The following TAFA2 variants were observed in gnomAD, a reference collection of about 807,000 sequenced individuals.
TAFA2 encodes chemokine-like protein TAFA-2.
TAFA2 carries 7 observed loss-of-function variants against 18.8 expected under a neutral mutation model. The ratio of observed to expected loss-of-function variants is 0.37; its 90% CI spans 0.21 to 0.70. The LOEUF (loss-of-function observed/expected upper bound fraction) is 0.70, where lower values mean the gene tolerates loss of function less well. TAFA2 is among the 30% of genes least tolerant of loss of function. The pLI is 0.53. For synonymous variants in TAFA2, 60 were observed against 54.2 expected (o/e 1.11, Z -0.47); for missense variants, 122 against 158.1 (o/e 0.77, Z 1.23).
intron 4 of TAFA2, among the ~76,000 whole-genome samples, chr12:61,734,650 C>T (rs942488111): frequency 6.6e-6 from 1 of 152,046 alleles, no homozygotes; most frequent in Non-Finnish European, 1.5e-5. Context: ...TTCAGTTAGG[C>T]TCTTCCTAGT....
intron 4 of TAFA2, among the ~76,000 whole-genome samples, chr12:61,717,856 T>A (rs1236718597): frequency 6.6e-6 from 1 of 152,146 alleles, no homozygotes; most frequent in Admixed American, 6.5e-5. Flanking sequence ...GAACTCTGGA[T>A]AAGTCACTTA....
chr12:62,128,925 G>A (rs1870573917), intron 1 of TAFA2, among the ~76,000 whole-genome samples: 1 of 151,988 alleles, frequency 6.6e-6, no homozygotes, highest in South Asian at 2.1e-4. Context: ...GGTTACTGCA[G>A]ACACATAAAA....
chr12:61,897,482 A>G (rs1334053543), intron 1 of TAFA2, among the ~76,000 whole-genome samples: 1 of 152,202 alleles, frequency 6.6e-6, no homozygotes, highest in Admixed American at 6.5e-5. Context: ...GGGAAGCCTC[A>G]GGAAACTTAC....
chr12:61,769,653 T>C (rs898493268), intron 2 of TAFA2, among the ~76,000 whole-genome samples: 4 of 151,768 alleles, frequency 2.6e-5, no homozygotes, highest in African/African-American at 9.7e-5. Context: ...ATCACTGCAG[T>C]TCAGCTCTCA....
At chr12:61,983,124 G>A (rs1879695481) in intron 1 of TAFA2, among the ~76,000 whole-genome samples, 1 of 152,084 alleles carries the variant, frequency 6.6e-6, no homozygotes, top group South Asian at 2.1e-4. Flanking sequence ...TAGACTATTT[G>A]GAAGCTAAAA....
At chr12:62,022,283 C>A in intron 1 of TAFA2, 1 of 217,028 alleles carries the variant, frequency 4.6e-6, no homozygotes, top group South Asian at 7.9e-5. Flanking sequence ...CAACGGCAAG[C>A]CTTTGATGGG....
At chr12:62,212,974 A>T (rs2062720177) in intron 1 of TAFA2, among the ~76,000 whole-genome samples, 1 of 152,226 alleles carries the variant, frequency 6.6e-6, no homozygotes, top group Admixed American at 6.5e-5. Context: ...TATTATTGCT[A>T]TCTGAAGTCT....
At chr12:62,023,895 C>A (rs531528440) in intron 1 of TAFA2, 1 of 152,246 alleles carries the variant, frequency 6.6e-6, no homozygotes, top group East Asian at 1.9e-4. Context: ...TCATCTTTAT[C>A]CTCAGTTATG....
At chr12:61,800,563 A>G (rs764504852) in intron 2 of TAFA2, among the ~76,000 whole-genome samples, 16 of 152,210 alleles carry the variant, frequency 1.1e-4, no homozygotes, top group East Asian at 1.9e-4. Flanking sequence ...GTGATTTGCT[A>G]CAACAGTGAA....
chr12:61,824,399 G>C, intron 2 of TAFA2, among the ~76,000 whole-genome samples: 1 of 152,078 alleles, frequency 6.6e-6, no homozygotes, highest in Non-Finnish European at 1.5e-5. Flanking sequence ...TTGCTATATG[G>C]CAATAGGTAA....
At chr12:62,208,083 T>C (rs920032188) in intron 1 of TAFA2, among the ~76,000 whole-genome samples, 5 of 151,792 alleles carry the variant, frequency 3.3e-5, no homozygotes, top group African/African-American at 1.2e-4. Context: ...CAAGAAAGAG[T>C]CCATGGGAAA....
intron 1 of TAFA2, among the ~76,000 whole-genome samples, chr12:62,123,493 G>A (rs958986362): frequency 1.3e-5 from 2 of 151,738 alleles, no homozygotes; most frequent in African/African-American, 4.8e-5. Flanking sequence ...CTTTTAAAGG[G>A]AGAACAGGCT....
intron 1 of TAFA2, among the ~76,000 whole-genome samples, chr12:61,978,820 C>T (rs1199497378): frequency 6.6e-6 from 1 of 152,070 alleles, no homozygotes; most frequent in African/African-American, 2.4e-5. Context: ...CAAGAAACTG[C>T]AAGGATTGAA....
intron 2 of TAFA2, among the ~76,000 whole-genome samples, chr12:61,834,750 T>C (rs1872851507): frequency 6.6e-6 from 1 of 152,060 alleles, no homozygotes; most frequent in Non-Finnish European, 1.5e-5. Context: ...TAGAATCCTA[T>C]CAACAGTTGA....
intron 1 of TAFA2, among the ~76,000 whole-genome samples, chr12:61,968,437 A>G (rs1407826840): frequency 1.3e-5 from 2 of 151,722 alleles, no homozygotes; most frequent in Non-Finnish European, 2.9e-5. Context: ...AATGTGCATT[A>G]AATATGCTTG....
chr12:62,201,067 C>G (rs921900264), intron 1 of TAFA2, among the ~76,000 whole-genome samples: 5 of 152,068 alleles, frequency 3.3e-5, no homozygotes, highest in African/African-American at 1.2e-4. Flanking sequence ...TATAGAAATA[C>G]TTGTGATTTT....
At chr12:62,221,216 G>GGGAAGGAAGGAAGGAAGGAAGGAA (rs371693194) in intron 1 of TAFA2, among the ~76,000 whole-genome samples, 26 of 78,860 alleles carry the variant, frequency 3.3e-4, no homozygotes, top group Middle Eastern at 7.5e-3. Context: ...GAAGGAAGGG[G>GGGAAGGAAGGAAGGAAGGAAGGAA]GGAAGGAAGG....
intron 2 of TAFA2, among the ~76,000 whole-genome samples, chr12:61,769,715 C>T (rs988020904): frequency 1.3e-5 from 2 of 152,016 alleles, no homozygotes; most frequent in African/African-American, 2.4e-5. Flanking sequence ...AAGGGAGCAC[C>T]ACATGGGAAC....
chr12:61,900,998 T>C (rs1372790612), intron 1 of TAFA2, among the ~76,000 whole-genome samples: 3 of 152,196 alleles, frequency 2.0e-5, no homozygotes, highest in Non-Finnish European at 4.4e-5. Flanking sequence ...GGCCAATCCA[T>C]GTGGAGTTTT....
Sources: gnomAD v4.1 joint callset for allele counts (sites outside exome capture counted in the v4.1 genomes callset) on GRCh38, gnomAD v4.1.1 for gene constraint, MANE v1.5 for transcripts, NCBI Gene and HGNC (gene_info 2026-07-23, HGNC 2026-07-21) for gene names.